The following B3GAT2 variants were observed in gnomAD, a reference collection of about 807,000 sequenced individuals.
B3GAT2 encodes galactosylgalactosylxylosylprotein 3-beta-glucuronosyltransferase 2.
B3GAT2 carries 26 observed loss-of-function variants against 27.8 expected under a neutral mutation model. The observed-to-expected ratio is 0.93, with a 90% CI of 0.68 to 1.30. B3GAT2 has a LOEUF of 1.30. B3GAT2 is among the 50% of genes most tolerant of loss of function. The pLI, the probability that B3GAT2 is intolerant of heterozygous loss-of-function variation, is 0.00. For synonymous variants in B3GAT2, 218 were observed against 195.1 expected, an observed-to-expected ratio of 1.12 and a Z score of -0.98; for missense variants, 458 against 459.0, an observed-to-expected ratio of 1.00 and a Z score of 0.02.
intron 1 of B3GAT2, among the ~76,000 whole-genome samples, chr6:70,947,601 C>A (rs1408292042): frequency 2.0e-5 from 3 of 151,366 alleles, no homozygotes; most frequent in Non-Finnish European, 4.4e-5. Context: ...AGCTTACCAA[C>A]CAAAAAGAGT....
chr6:70,894,428 C>T (rs1157265761), intron 1 of B3GAT2, among the ~76,000 whole-genome samples, 156 bp from the exon 2 acceptor site: 2 of 152,122 alleles, frequency 1.3e-5, no homozygotes, highest in Non-Finnish European at 2.9e-5. Context: ...AGAGTATGGC[C>T]CCCATCTGTT....
chr6:70,863,117 T>TCC (rs1435579675), intron 2 of B3GAT2, among the ~76,000 whole-genome samples: 8 of 152,328 alleles, frequency 5.3e-5, no homozygotes. Flanking sequence ...GATCTCTTTT[T>TCC]CCTTAGTGAC....
Position 70,957,048 on chromosome 6 carries a change from C to G in B3GAT2, c.-619G>C. ...TGCTCTTGTCTTCTCAGAACCTCTC[C>G]GGATCCAGCAGCAAGATCCCAAAGC... On this transcript the variant is annotated 5_prime_UTR_variant, in exon 1 of 4. Transcript: ENST00000230053. 1.0e-6 allele frequency: 1 copy of G among 986,354 alleles called. No individual in the cohort carries two copies. The highest frequency in any genetic ancestry group is 1.2e-6 in the Non-Finnish European group (1 of 830,738). 61.1% of individuals were successfully genotyped at this position (986,354 alleles called of 1,614,324 possible).
At chr6:70,943,962 C>G (rs1424917695) in intron 1 of B3GAT2, among the ~76,000 whole-genome samples, 1 of 152,140 alleles carries the variant, frequency 6.6e-6, no homozygotes, top group African/African-American at 2.4e-5. Flanking sequence ...GTTTTCACCA[C>G]ACACACAAAA....
chr6:70,881,136 A>T (rs1772093050), intron 2 of B3GAT2, among the ~76,000 whole-genome samples: 1 of 151,746 alleles, frequency 6.6e-6, no homozygotes, highest in Non-Finnish European at 1.5e-5. Context: ...TTTGGGATCC[A>T]CTCCTCTGCA....
intron 2 of B3GAT2, among the ~76,000 whole-genome samples, chr6:70,891,750 G>C (rs1180142085): frequency 1.3e-5 from 1 of 78,522 alleles, no homozygotes. Flanking sequence ...AGCTCAGATT[G>C]TGTGTGTGTG....
At chr6:70,913,431 C>T (rs959199150) in intron 1 of B3GAT2, among the ~76,000 whole-genome samples, 2 of 152,028 alleles carry the variant, frequency 1.3e-5, no homozygotes, top group Admixed American at 6.6e-5. Context: ...CAAAAAATGT[C>T]TTGATTTCTG....
chr6:70,949,538 A>C, intron 1 of B3GAT2, among the ~76,000 whole-genome samples: 1 of 144,868 alleles, frequency 6.9e-6, no homozygotes, highest in Non-Finnish European at 1.5e-5. Context: ...GGCAATCATT[A>C]AAAAGTCAGG....
At chr6:70,893,112 C>A (rs151186182) in intron 2 of B3GAT2, among the ~76,000 whole-genome samples, 5 of 152,324 alleles carry the variant, frequency 3.3e-5, no homozygotes, top group African/African-American at 1.2e-4. Flanking sequence ...ACCCACCACA[C>A]AGCTGTCCAT....
chr6:70,875,998 G>A (rs986815483), intron 2 of B3GAT2, among the ~76,000 whole-genome samples: 5 of 152,226 alleles, frequency 3.3e-5, no homozygotes, highest in Middle Eastern at 3.4e-3. Context: ...AACTGAATAC[G>A]GAAAATATCC....
chr6:70,940,005 C>G (rs1765362918), intron 1 of B3GAT2, among the ~76,000 whole-genome samples: 1 of 152,108 alleles, frequency 6.6e-6, no homozygotes, highest in Non-Finnish European at 1.5e-5. Context: ...ATGTTGGGGA[C>G]CACTGCATCA....
chr6:70,884,923 G>T (rs563895095), intron 2 of B3GAT2, among the ~76,000 whole-genome samples: 28 of 152,240 alleles, frequency 1.8e-4, no homozygotes, highest in Non-Finnish European at 4.0e-4. Context: ...TGCCTGCAAG[G>T]CTTAACTTCT....
chr6:70,929,689 A>G (rs1773028099), intron 1 of B3GAT2, among the ~76,000 whole-genome samples: 1 of 152,210 alleles, frequency 6.6e-6, no homozygotes. Flanking sequence ...TCAATGAAAT[A>G]AAAGAGGACA....
At chr6:70,890,037 C>A (rs1772260976) in intron 2 of B3GAT2, among the ~76,000 whole-genome samples, 1 of 152,112 alleles carries the variant, frequency 6.6e-6, no homozygotes, top group East Asian at 1.9e-4. Flanking sequence ...CTGCCTCAGC[C>A]TCCCAAAGTG....
At chr6:70,945,380 G>A (rs1047125690) in intron 1 of B3GAT2, among the ~76,000 whole-genome samples, 4 of 152,226 alleles carry the variant, frequency 2.6e-5, no homozygotes, top group Admixed American at 2.6e-4. Context: ...GTGCTTAAAG[G>A]AGCTGATGGA....
At chr6:70,893,916 G>A (rs915271936) in intron 2 of B3GAT2, among the ~76,000 whole-genome samples, 1 of 152,088 alleles carries the variant, frequency 6.6e-6, no homozygotes, top group Admixed American at 6.5e-5. Flanking sequence ...GGAACAGAAA[G>A]GGCATTTTCT....
At chr6:70,896,410 C>A (rs116805016) in intron 1 of B3GAT2, among the ~76,000 whole-genome samples, 1 of 152,108 alleles carries the variant, frequency 6.6e-6, no homozygotes, top group Non-Finnish European at 1.5e-5. Flanking sequence ...GAATAAAATG[C>A]GCTTTTTAAA....
chr6:70,950,068 G>A (rs1173433274), intron 1 of B3GAT2, among the ~76,000 whole-genome samples: 1 of 151,744 alleles, frequency 6.6e-6, no homozygotes. Flanking sequence ...GTGGGGGTTG[G>A]GGGGAGGGAG....
At chr6:70,921,329 G>A (rs1772867511) in intron 1 of B3GAT2, among the ~76,000 whole-genome samples, 1 of 152,134 alleles carries the variant, frequency 6.6e-6, no homozygotes, top group Non-Finnish European at 1.5e-5. Context: ...TGAGGAACCA[G>A]TCTTCAAGCT....
Sources: allele counts gnomAD v4.1 joint callset (sites outside exome capture counted in the v4.1 genomes callset), GRCh38; gene constraint gnomAD v4.1.1; transcripts MANE v1.5; gene names NCBI Gene and HGNC (gene_info 2026-07-23, HGNC 2026-07-21).